ABHD17B: variants seen among roughly 807,000 people sequenced by gnomAD.
The protein encoded by ABHD17B is abhydrolase domain containing 17B, depalmitoylase.
A neutral mutation model predicts 26.2 loss-of-function variants in ABHD17B; 9 were observed. The ratio of observed to expected loss-of-function variants is 0.34; its 90% CI spans 0.21 to 0.60. The LOEUF (loss-of-function observed/expected upper bound fraction) is 0.60, where lower values mean the gene tolerates loss of function less well. Among genes scored for constraint, ABHD17B ranks in the 20% least tolerant of loss-of-function variants. The probability of loss-of-function intolerance (pLI) is 0.80; values close to 1 mark genes in which losing one functional copy is unlikely to be tolerated. For missense variants in ABHD17B, 224 were observed against 352.1 expected (o/e 0.64, Z 2.91); for synonymous variants, 127 against 122.3 (o/e 1.04, Z -0.25).
At chr9:71,883,242 TA>T (rs1481603922) in intron 1 of ABHD17B, among the ~76,000 whole-genome samples, 1 of 152,154 alleles carries the variant, frequency 6.6e-6, no homozygotes, top group Non-Finnish European at 1.5e-5. Flanking sequence ...AAAATGTCTA[TA>T]AAGAGCAAAG....
chr9:71,900,652 CAAA>C (rs35196879), intron 1 of ABHD17B, among the ~76,000 whole-genome samples: 712 of 69,412 alleles, frequency 0.01, 8 homozygotes, highest in African/African-American at 0.034. Flanking sequence ...ACTCCATCTC[CAAA>C]AAAAAAAAAA....
At chr9:71,867,125 T>C in intron 3 of ABHD17B, 119 bp from the exon 4 acceptor site, 1 of 1,270,952 alleles carries the variant, frequency 7.9e-7, no homozygotes, top group South Asian at 1.5e-5. Flanking sequence ...GTTCAGAAGG[T>C]AAGAATGTCT....
chr9:71,898,643 C>G (rs541621942), intron 1 of ABHD17B, among the ~76,000 whole-genome samples: 1 of 151,406 alleles, frequency 6.6e-6, no homozygotes, highest in South Asian at 2.1e-4. Context: ...CTATTTCAAA[C>G]AAACAAACAA....
At chr9:71,908,035 C>T (rs1323216004) in intron 1 of ABHD17B, among the ~76,000 whole-genome samples, 7 of 152,210 alleles carry the variant, frequency 4.6e-5, no homozygotes, top group Non-Finnish European at 2.9e-5. Flanking sequence ...CTACTTCTTA[C>T]TAATTGCTTA....
At chr9:71,884,180 T>C (rs1374432125) in intron 1 of ABHD17B, among the ~76,000 whole-genome samples, 2 of 151,754 alleles carry the variant, frequency 1.3e-5, no homozygotes, top group Non-Finnish European at 2.9e-5. Flanking sequence ...AAAGAAAAAA[T>C]TAGAAAGCTG....
intron 2 of ABHD17B, among the ~76,000 whole-genome samples, chr9:71,871,623 C>T (rs1187598685): frequency 2.0e-5 from 3 of 152,118 alleles, no homozygotes; most frequent in Admixed American, 6.5e-5. Flanking sequence ...AGGATAGAGT[C>T]GCAGAGGTAG....
intron 1 of ABHD17B, among the ~76,000 whole-genome samples, chr9:71,894,259 T>C (rs901419960): frequency 2.0e-5 from 3 of 152,204 alleles, no homozygotes; most frequent in Admixed American, 6.5e-5. Flanking sequence ...TTATTTCTTA[T>C]TTATCAGTTG....
intron 1 of ABHD17B, among the ~76,000 whole-genome samples, chr9:71,877,082 A>T (rs762642803): frequency 7.2e-5 from 11 of 152,350 alleles, no homozygotes; most frequent in Middle Eastern, 6.8e-3. Flanking sequence ...CACAGGGCTT[A>T]GCCAGCAAAA....
chr9:71,883,195 T>C (rs1167923445), intron 1 of ABHD17B, among the ~76,000 whole-genome samples: 1 of 152,188 alleles, frequency 6.6e-6, no homozygotes, highest in Non-Finnish European at 1.5e-5. Flanking sequence ...TTGAGTGTTA[T>C]GGTATGTCAA....
intron 1 of ABHD17B, among the ~76,000 whole-genome samples, chr9:71,908,991 T>C (rs946763021): frequency 6.6e-6 from 1 of 152,218 alleles, no homozygotes; most frequent in African/African-American, 2.4e-5. Flanking sequence ...TCTTCTGTGT[T>C]CATTAAGCTA....
At chr9:71,909,780 C>G (rs780094032) in intron 1 of ABHD17B, among the ~76,000 whole-genome samples, 7 of 152,150 alleles carry the variant, frequency 4.6e-5, no homozygotes, top group Non-Finnish European at 1.0e-4. Flanking sequence ...CTTTTGCTTA[C>G]CAAATCTACT....
chr9:71,874,902 G>A lies in ABHD17B; in HGVS notation c.179C>T (p.Ser60Phe), dbSNP rs1826219960. 6.2e-7 allele frequency: 1 copy of A among 1,613,996 alleles called. No individual in the cohort carries two copies. Among genetic ancestry groups the A allele is most frequent in the Non-Finnish European group, 8.5e-7 (1 of 1,180,028 alleles). ...LSERADWQYSSREKDAIECFM... is the reference protein window; with the variant it reads ...LSERADWQYSFREKDAIECFM... Reference sequence around the variant, plus strand: ...ACACTCAATAGCATCTTTTTCTCTAGAAGAATACTGCCAGTCTGCTCGTTC... The same window carrying A: ...ACACTCAATAGCATCTTTTTCTCTAAAAGAATACTGCCAGTCTGCTCGTTC... The change falls in exon 2 of 4, where the codon TCT (serine) becomes TTT (phenylalanine). Residue 60 changes from serine (S) to phenylalanine (F), a missense_variant. Ser to Phe is a radical substitution (Grantham distance 155, BLOSUM62 -2). Transcript: ENST00000333421.
intron 2 of ABHD17B, among the ~76,000 whole-genome samples, chr9:71,872,945 G>A (rs948698937): frequency 6.6e-6 from 1 of 151,410 alleles, no homozygotes; most frequent in Non-Finnish European, 1.5e-5. Context: ...GTAGAACTTC[G>A]CTATGAGAGC....
intron 2 of ABHD17B, among the ~76,000 whole-genome samples, chr9:71,873,346 CA>C (rs1826166652): frequency 1.3e-5 from 2 of 151,736 alleles, no homozygotes; most frequent in Non-Finnish European, 2.9e-5. Flanking sequence ...CTGCTATAAT[CA>C]AAGAATAACT....
chr9:71,866,061 C>A lies in ABHD17B; in HGVS notation c.*726G>T, dbSNP rs778411985. The A allele has an allele frequency of 3.0e-6, 3 of 985,416 alleles. No individual in the cohort carries two copies. Among genetic ancestry groups the A allele is most frequent in the South Asian group, 9.4e-5 (2 of 21,288 alleles). The allele number at this position is 985,416 out of a possible 1,614,324, so 61.0% of individuals were successfully genotyped here. A position where few individuals can be genotyped will look rare whatever the true frequency, so the allele number is the denominator to read the frequency against. On this transcript the variant is annotated 3_prime_UTR_variant, in exon 4 of 4. Coordinates refer to ENST00000333421, the MANE Select transcript of ABHD17B (RefSeq NM_001025780.3). ...CTCTAAATGCCTTTTAAGTAACCAG[C>A]ATGAAAATTTTAAGTACTTGCCTCA... is the stretch of plus-strand genomic sequence containing the variant.
intron 1 of ABHD17B, among the ~76,000 whole-genome samples, chr9:71,883,397 A>G (rs947554086): frequency 1.3e-5 from 2 of 152,174 alleles, no homozygotes; most frequent in African/African-American, 4.8e-5. Flanking sequence ...ATAAACCCCT[A>G]TGTGAATGGG....
downstream of ABHD17B, chr9:71,865,111 T>C (rs981650186): frequency 1.0e-6 from 1 of 964,948 alleles, no homozygotes; most frequent in East Asian, 1.1e-4. Context: ...CTCTTTCTAG[T>C]GTGGGGGTGG....
At chr9:71,887,918 G>A (rs368066342) in intron 1 of ABHD17B, among the ~76,000 whole-genome samples, 4 of 152,324 alleles carry the variant, frequency 2.6e-5, no homozygotes, top group Middle Eastern at 3.4e-3. Context: ...TATTAAAAAT[G>A]AGCAGTGCAA....
At chr9:71,897,856 T>C (rs1399575128) in intron 1 of ABHD17B, among the ~76,000 whole-genome samples, 1 of 152,192 alleles carries the variant, frequency 6.6e-6, no homozygotes, top group Admixed American at 6.5e-5. Flanking sequence ...CATCTGTAAG[T>C]AAAGGTTTGA....
Sources: gnomAD v4.1 joint callset for allele counts (sites outside exome capture counted in the v4.1 genomes callset) on GRCh38, gnomAD v4.1.1 for gene constraint, MANE v1.5 for transcripts, NCBI Gene and HGNC (gene_info 2026-07-23, HGNC 2026-07-21) for gene names.